PPP1R36: variants seen among roughly 807,000 people sequenced by gnomAD.
PPP1R36 encodes chromosome 14 open reading frame 50.
Under a neutral mutation model 53.4 loss-of-function variants are expected in PPP1R36, and 47 were observed. The ratio of observed to expected loss-of-function variants is 0.88; its 90% CI spans 0.70 to 1.12. PPP1R36 has a LOEUF of 1.12. Ranked by LOEUF, PPP1R36 falls within the 50% of genes most tolerant of loss-of-function variation. PPP1R36 has a pLI of 0.00. For missense variants in PPP1R36, 456 were observed against 513.9 expected (o/e 0.89, Z 1.09); for synonymous variants, 153 against 170.5 (o/e 0.90, Z 0.80).
At chr14:64,583,073 A>ATGT (rs1255357344) in intron 8 of PPP1R36, among the ~76,000 whole-genome samples, 1 of 136,136 alleles carries the variant, frequency 7.3e-6, no homozygotes, top group Non-Finnish European at 1.6e-5. Flanking sequence ...ATATATATAT[A>ATGT]TATTTTTTTT....
chr14:64,556,609 T>C (rs1028932457), intron 3 of PPP1R36, among the ~76,000 whole-genome samples: 1 of 148,832 alleles, frequency 6.7e-6, no homozygotes, highest in African/African-American at 2.5e-5. Flanking sequence ...CAATTTTTTT[T>C]TTTTTTTTTT....
chr14:64,550,223 G>GAAA, intron 1 of PPP1R36, 157 bp downstream of exon 1: 153 of 1,190,438 alleles, frequency 1.3e-4, no homozygotes, highest in Admixed American at 1.4e-4. Flanking sequence ...TATTTGCCTA[G>GAAA]AAAAAAAAAA....
chr14:64,582,675 G>T (rs1745241610), intron 8 of PPP1R36, among the ~76,000 whole-genome samples: 1 of 152,078 alleles, frequency 6.6e-6, no homozygotes. Context: ...CTTCTATATT[G>T]AAATGATAAT....
intron 8 of PPP1R36, among the ~76,000 whole-genome samples, chr14:64,579,995 A>G (rs2080375460): frequency 6.9e-6 from 1 of 145,862 alleles, no homozygotes; most frequent in African/African-American, 2.6e-5. Context: ...CAAAACAAAA[A>G]CATGCTCTTA....
At chr14:64,572,794 AT>A (rs1326307450) in intron 7 of PPP1R36, among the ~76,000 whole-genome samples, 1 of 152,138 alleles carries the variant, frequency 6.6e-6, no homozygotes, top group Non-Finnish European at 1.5e-5. Context: ...CTGTAGTTTG[AT>A]TTGGTTGTTT....
At chr14:64,550,143 C>T (rs1715657814) in intron 1 of PPP1R36, 77 bp downstream of exon 1, 3 of 1,510,138 alleles carry the variant, frequency 2.0e-6, no homozygotes, top group East Asian at 2.6e-5. Context: ...GGCGCCGCGC[C>T]CCTCGCCCTC....
Position 64,550,007 on chromosome 14 carries a change from G to A in PPP1R36, c.10G>A (p.Val4Met). The part of the protein sequence containing the change: MYR[V>M]PEFYARRKRL... ...CTTCCAGGGCGAGGCCATGTACCGG[G>A]TGCCCGAGTTTTATGCGAGGAGGAA... The change falls in exon 1 of 12, where the codon GTG becomes ATG. Residue 4 changes from valine to methionine, a missense_variant. By Grantham distance (21) the Val-to-Met change is conservative. Transcript: ENST00000298705. 1 of 1,571,834 alleles carries A rather than the reference G, an allele frequency of 6.4e-7. No individual in the cohort carries two copies. Among genetic ancestry groups the A allele is most frequent in the East Asian group, 2.4e-5 (1 of 42,408 alleles).
At chr14:64,574,385 CT>C in intron 7 of PPP1R36, 69 bp from the exon 8 acceptor site, 1 of 1,459,728 alleles carries the variant, frequency 6.9e-7, no homozygotes, top group Non-Finnish European at 9.3e-7. Context: ...ATAATTCTGA[CT>C]TTTTGCTAGT....
rs754640221 is a variant in PPP1R36, at chr14:64,552,842, C to A, written c.163C>A (p.Leu55Ile). The A allele has an allele frequency of 6.2e-7, 1 of 1,613,796 alleles. No individual in the cohort carries two copies. The highest frequency in any genetic ancestry group is 2.2e-5 in the East Asian group (1 of 44,874). ...TGCCGCAGAAGATTCTGTCCAGTGG[C>A]TCCTGAAACATCACCCTCAGTGAGT... Reference protein sequence around the residue: ...RFAAEDSVQWLLKHHPHFTPA... With the variant: ...RFAAEDSVQWILKHHPHFTPA... The change falls in exon 3 of 12, where the codon CTC (leucine) becomes ATC (isoleucine). Residue 55 changes from leucine (L) to isoleucine (I), a missense_variant. Leu to Ile is a conservative substitution (Grantham distance 5). Transcript: ENST00000298705.
rs1445552094 is a variant in PPP1R36 at position 64,565,463 on chromosome 14, CTG to C, written c.367+11_367+12del. 2 of 1,595,024 alleles carry C rather than the reference CTG, an allele frequency of 1.3e-6. No homozygotes were observed. The highest frequency in any genetic ancestry group is 1.7e-5 in the Admixed American group (1 of 59,920). ...ACTGGATGATGTTAAATGTGAGTAA[CTG>C]TTTCTTTATGCATACATAAACATAC... On this transcript the variant is annotated intron_variant, in intron 5 of 11. Coordinates refer to ENST00000298705, the MANE Select transcript of PPP1R36 (RefSeq NM_172365.3).
chr14:64,557,337 A>G (rs1312674961), intron 3 of PPP1R36, among the ~76,000 whole-genome samples: 2 of 152,150 alleles, frequency 1.3e-5, no homozygotes, highest in African/African-American at 4.8e-5. Flanking sequence ...ATGTATCTCA[A>G]AGAATAAGCA....
At chr14:64,560,443 A>T (rs1033229474) in intron 3 of PPP1R36, among the ~76,000 whole-genome samples, 2 of 145,534 alleles carry the variant, frequency 1.4e-5, no homozygotes, top group Non-Finnish European at 3.1e-5. Flanking sequence ...TATCTCAAGA[A>T]AAAAAAAAAA....
At chr14:64,552,919 GA>G in intron 3 of PPP1R36, 58 bp downstream of exon 3, 1 of 1,471,956 alleles carries the variant, frequency 6.8e-7, no homozygotes, top group Non-Finnish European at 9.5e-7. Flanking sequence ...GATAGTTACA[GA>G]AGTCAAAATA....
At chr14:64,552,917 C>G (rs2080108087) in intron 3 of PPP1R36, 56 bp downstream of exon 3, 3 of 1,475,330 alleles carry the variant, frequency 2.0e-6, no homozygotes, top group Non-Finnish European at 2.8e-6. Context: ...AAGATAGTTA[C>G]AGAAGTCAAA....
intron 8 of PPP1R36, among the ~76,000 whole-genome samples, chr14:64,582,156 A>C (rs2080394605): frequency 6.6e-6 from 1 of 151,996 alleles, no homozygotes; most frequent in African/African-American, 2.4e-5. Flanking sequence ...CCCCAGTCAC[A>C]TGCACCAAAG....
In PPP1R36 at chr14:64,589,319, A is replaced by T. The variant is rs2080465835; in HGVS notation, c.1250A>T (p.His417Leu). 6.2e-7 allele frequency: 1 copy of T among 1,611,838 alleles called. No homozygotes were observed. Among genetic ancestry groups the T allele is most frequent in the Non-Finnish European group, 8.5e-7 (1 of 1,178,080 alleles). Reference sequence around the variant, plus strand: ...TTGGTCATGAAAACACTGTCCTCTCATACATCATGCCCTAAGTAACCTGGT... The same window carrying T: ...TTGGTCATGAAAACACTGTCCTCTCTTACATCATGCCCTAAGTAACCTGGT... The part of the protein sequence containing the change: ...LDLVMKTLSS[H>L]TSCPK The change falls in exon 12 of 12, where the codon CAT becomes CTT. Residue 417 changes from histidine (H) to leucine (L), a missense_variant. Physicochemically the swap from His to Leu is moderately conservative, Grantham distance 99. Coordinates refer to ENST00000298705, the MANE Select transcript of PPP1R36 (RefSeq NM_172365.3).
chr14:64,550,994 TAAC>T lies in PPP1R36; in HGVS notation c.134+14_134+16del, dbSNP rs1376794443. Reference sequence around the variant, plus strand: ...ACTCTTGAATTCAGAAGGTAAAATTTAACAACACTTTATTAGAGTTTTTATAAA... The same window carrying T: ...ACTCTTGAATTCAGAAGGTAAAATTTAACACTTTATTAGAGTTTTTATAAA... On this transcript the variant is annotated intron_variant, in intron 2 of 11. Coordinates refer to ENST00000298705, the MANE Select transcript of PPP1R36 (RefSeq NM_172365.3). 6 of 1,564,406 alleles carry T rather than the reference TAAC, an allele frequency of 3.8e-6. No individual in the cohort carries two copies. The East Asian group carries it at 9.0e-5, about 23-fold the overall frequency.
chr14:64,550,283 G>A, intron 1 of PPP1R36: 2 of 1,364,092 alleles, frequency 1.5e-6, no homozygotes, highest in Non-Finnish European at 1.9e-6. Context: ...GGCTCCCTGC[G>A]CAGGTAGTTA....
chr14:64,565,317 A>G (rs372504375), intron 4 of PPP1R36, 40 bp from the exon 5 acceptor site: 38 of 1,400,906 alleles, frequency 2.7e-5, no homozygotes, highest in Non-Finnish European at 3.6e-5. Flanking sequence ...CAACTAAAAT[A>G]TATTAAAACA....
Sources: gnomAD v4.1 joint callset for allele counts (sites outside exome capture counted in the v4.1 genomes callset) on GRCh38, gnomAD v4.1.1 for gene constraint, MANE v1.5 for transcripts, NCBI Gene and HGNC (gene_info 2026-07-23, HGNC 2026-07-21) for gene names.